Variants in KHDRBS2 observed in about 807,000 individuals in gnomAD.
The protein encoded by KHDRBS2 is KH RNA binding domain containing, signal transduction associated 2.
A neutral mutation model predicts 44.3 loss-of-function variants in KHDRBS2; 26 were observed. The observed-to-expected ratio is 0.59, with a 90% CI of 0.43 to 0.81. The LOEUF (loss-of-function observed/expected upper bound fraction) is 0.81, where lower values mean the gene tolerates loss of function less well. Ranked by LOEUF, KHDRBS2 falls within the 40% of genes least tolerant of loss-of-function variation. The pLI, the probability that KHDRBS2 is intolerant of heterozygous loss-of-function variation, is 0.00. For missense variants in KHDRBS2, 476 were observed against 433.1 expected (o/e 1.10, Z -0.88); for synonymous variants, 194 against 151.1 (o/e 1.28, Z -2.08).
At chr6:61,704,479 T>C (rs1769174880) in intron 7 of KHDRBS2, among the ~76,000 whole-genome samples, 1 of 151,598 alleles carries the variant, frequency 6.6e-6, no homozygotes, top group Admixed American at 6.6e-5. Flanking sequence ...GGCAAGAAAA[T>C]GTGTGCCATT....
At position 62,029,700 on chromosome 6, in the gene KHDRBS2, T is replaced by TA. The variant is rs952661879; in HGVS notation, c.336+18177dup. On this transcript the variant is annotated intron_variant, in intron 3 of 8. Coordinates refer to ENST00000281156, the MANE Select transcript of KHDRBS2 (RefSeq NM_152688.4). ...AGATCAGAAATATAAGCTTCAAAGA[T>TA]AAAAAAACAGAAAGGAGTGCAGCAT... Among the ~76,000 whole-genome samples the TA allele has an allele frequency of 4.6e-4, 70 of 151,852 alleles. 1 individual carries two copies. Among genetic ancestry groups the TA allele is most frequent in the African/African-American group, 1.5e-3 (64 of 41,474 alleles).
intron 8 of KHDRBS2, among the ~76,000 whole-genome samples, chr6:61,694,734 C>G (rs1767726483): frequency 6.6e-6 from 1 of 152,148 alleles, no homozygotes; most frequent in South Asian, 2.1e-4. Flanking sequence ...TAAATACCAT[C>G]TAATGCCTTT....
intron 4 of KHDRBS2, among the ~76,000 whole-genome samples, chr6:61,912,598 T>C (rs1202567821): frequency 2.6e-5 from 4 of 152,142 alleles, no homozygotes; most frequent in Non-Finnish European, 5.9e-5. Flanking sequence ...ACAGAGCAAC[T>C]GGTACAACTA....
At chr6:62,131,782 A>G (rs562196956) in intron 2 of KHDRBS2, among the ~76,000 whole-genome samples, 1 of 152,344 alleles carries the variant, frequency 6.6e-6, no homozygotes, top group South Asian at 2.1e-4. Flanking sequence ...ACAAGTAAAG[A>G]GTAGATATGG....
intron 2 of KHDRBS2, among the ~76,000 whole-genome samples, chr6:62,152,627 G>A (rs144011652): frequency 1.3e-5 from 2 of 152,242 alleles, no homozygotes; most frequent in South Asian, 2.1e-4. Context: ...ATTTGCATAG[G>A]AGACTGACTA....
intron 2 of KHDRBS2, among the ~76,000 whole-genome samples, chr6:62,154,570 T>C (rs1387480494): frequency 6.6e-6 from 1 of 152,150 alleles, no homozygotes; most frequent in Non-Finnish European, 1.5e-5. Context: ...AGAAGATTAC[T>C]TCTTAAAATT....
intron 7 of KHDRBS2, among the ~76,000 whole-genome samples, chr6:61,727,496 G>A (rs1358881479): frequency 6.6e-6 from 1 of 151,270 alleles, no homozygotes; most frequent in Non-Finnish European, 1.5e-5. Flanking sequence ...CAGAATGGAA[G>A]AAAAATTCTA....
chr6:62,020,965 A>G (rs1216529648), intron 3 of KHDRBS2, among the ~76,000 whole-genome samples: 3 of 152,048 alleles, frequency 2.0e-5, no homozygotes, highest in Non-Finnish European at 4.4e-5. Context: ...AATAGCAAAC[A>G]CATGGAATCA....
At chr6:62,133,800 C>T (rs1810884235) in intron 2 of KHDRBS2, among the ~76,000 whole-genome samples, 1 of 152,152 alleles carries the variant, frequency 6.6e-6, no homozygotes, top group South Asian at 2.1e-4. Flanking sequence ...GTAAAGGTGA[C>T]TCTTGCTATG....
intron 2 of KHDRBS2, among the ~76,000 whole-genome samples, chr6:62,085,120 T>A (rs557347678): frequency 3.9e-5 from 6 of 152,158 alleles, no homozygotes; most frequent in Middle Eastern, 3.2e-3. Context: ...TAGCACCTAC[T>A]CATTCTGATA....
intron 6 of KHDRBS2, among the ~76,000 whole-genome samples, chr6:61,797,395 A>G (rs1785517230): frequency 6.6e-6 from 1 of 152,206 alleles, no homozygotes; most frequent in African/African-American, 2.4e-5. Flanking sequence ...GATCACAGAG[A>G]GCCTTTAACT....
At chr6:61,638,020 A>G in the KHDRBS2 span, among the ~76,000 whole-genome samples, 1 of 152,030 alleles carries the variant, frequency 6.6e-6, no homozygotes, top group African/African-American at 2.4e-5. Context: ...TTTGCTGTGC[A>G]GAAGCTCTTT....
chr6:61,784,327 T>A, intron 6 of KHDRBS2, among the ~76,000 whole-genome samples: 1 of 151,770 alleles, frequency 6.6e-6, no homozygotes, highest in East Asian at 1.9e-4. Context: ...ATCTACTTCA[T>A]TTAATGACTT....
At chr6:62,159,042 A>T (rs562870896) in intron 2 of KHDRBS2, among the ~76,000 whole-genome samples, 1 of 152,124 alleles carries the variant, frequency 6.6e-6, no homozygotes, top group East Asian at 1.9e-4. Context: ...GATCCAAAAA[A>T]TATATCTTGA....
At chr6:61,601,244 G>T in the KHDRBS2 span, among the ~76,000 whole-genome samples, 65 of 151,880 alleles carry the variant, frequency 4.3e-4, no homozygotes, top group East Asian at 0.011. Flanking sequence ...CCACTTTCCT[G>T]GGGGGCAGGC....
At chr6:61,785,491 A>T (rs1368490071) in intron 6 of KHDRBS2, among the ~76,000 whole-genome samples, 3 of 152,130 alleles carry the variant, frequency 2.0e-5, no homozygotes, top group Admixed American at 6.6e-5. Flanking sequence ...ATATGCTACT[A>T]AGGTGAAGTG....
chr6:61,581,565 A>AATAC, the KHDRBS2 span, among the ~76,000 whole-genome samples: 1 of 131,492 alleles, frequency 7.6e-6, no homozygotes, highest in East Asian at 2.1e-4. Context: ...CACAATATAC[A>AATAC]ACAATATACA....
At chr6:61,854,208 A>AT (rs1046560905) in intron 6 of KHDRBS2, among the ~76,000 whole-genome samples, 26 of 151,582 alleles carry the variant, frequency 1.7e-4, no homozygotes, top group African/African-American at 4.4e-4. Context: ...AATACTTGAA[A>AT]TTTTTTTTCT....
chr6:62,089,558 C>A (rs1398727929), intron 2 of KHDRBS2, among the ~76,000 whole-genome samples: 1 of 152,082 alleles, frequency 6.6e-6, no homozygotes, highest in Non-Finnish European at 1.5e-5. Flanking sequence ...GGGCTGCACC[C>A]ACTGCCTAAC....
Sources: gnomAD v4.1 joint callset for allele counts (sites outside exome capture counted in the v4.1 genomes callset) on GRCh38, gnomAD v4.1.1 for gene constraint, MANE v1.5 for transcripts, NCBI Gene and HGNC (gene_info 2026-07-23, HGNC 2026-07-21) for gene names.